The following C6orf89 variants were observed in gnomAD, a reference collection of about 807,000 sequenced individuals.
C6orf89 encodes the protein chromosome 6 open reading frame 89, also known as bombesin receptor-activated protein C6orf89.
C6orf89 carries 29 observed loss-of-function variants against 40.7 expected under a neutral mutation model. That is an observed-to-expected ratio of 0.71 (90% CI 0.53 to 0.97). C6orf89 has a LOEUF of 0.97. C6orf89 is among the 50% of genes least tolerant of loss of function. The probability of loss-of-function intolerance (pLI) is 0.00; values close to 1 mark genes in which losing one functional copy is unlikely to be tolerated. For synonymous variants in C6orf89, 165 were observed against 152.2 expected (o/e 1.08, Z -0.62); for missense variants, 392 against 429.1 (o/e 0.91, Z 0.76).
chr6:36,871,848 C>T, upstream of C6orf89: 2 of 1,601,466 alleles, frequency 1.2e-6, no homozygotes, highest in East Asian at 2.3e-5. Context: ...GCTTCCAGTA[C>T]AGCTCCAGCA....
chr6:36,913,229 T>G (rs192768009), intron 4 of C6orf89, among the ~76,000 whole-genome samples: 2 of 152,238 alleles, frequency 1.3e-5, no homozygotes, highest in Non-Finnish European at 2.9e-5. Context: ...GACAGGCATG[T>G]CAGGGAGCCG....
At chr6:36,883,476 G>A (rs1197576304), upstream of C6orf89, 5 of 151,990 alleles carry the variant, frequency 3.3e-5, no homozygotes, top group African/African-American at 4.8e-5. Flanking sequence ...TTTTTTCCTT[G>A]TTTATGCCTC....
At chr6:36,921,712 C>T (rs1038497940) in intron 8 of C6orf89, among the ~76,000 whole-genome samples, 8 of 152,006 alleles carry the variant, frequency 5.3e-5, no homozygotes, top group Non-Finnish European at 7.3e-5. Flanking sequence ...ACCCTCTCAA[C>T]GAATTTTTAA....
chr6:36,913,326 T>C (rs1583191771), intron 4 of C6orf89, among the ~76,000 whole-genome samples: 1 of 152,134 alleles, frequency 6.6e-6, no homozygotes, highest in South Asian at 2.1e-4. Context: ...CCCCACCCCC[T>C]CCTGAGCTGG....
chr6:36,921,981 C>G (rs1762526180), intron 8 of C6orf89, among the ~76,000 whole-genome samples: 1 of 152,120 alleles, frequency 6.6e-6, no homozygotes, highest in South Asian at 2.1e-4. Flanking sequence ...TGAGCTATGA[C>G]TGCACCGCTG....
chr6:36,902,910 T>C (rs1761777587), intron 4 of C6orf89, among the ~76,000 whole-genome samples: 1 of 152,242 alleles, frequency 6.6e-6, no homozygotes, highest in African/African-American at 2.4e-5. Context: ...AGTTTAGTCC[T>C]TCTGTCTGTC....
At chr6:36,901,535 C>T (rs1449887981) in intron 3 of C6orf89, among the ~76,000 whole-genome samples, 10 of 143,260 alleles carry the variant, frequency 7.0e-5, no homozygotes, top group East Asian at 2.2e-4. Context: ...AGGGTTTCGC[C>T]GTGTTGGCCA....
At chr6:36,923,297 T>G (rs1208434081) in intron 8 of C6orf89, 50 bp from the exon 9 acceptor site, 2 of 1,457,908 alleles carry the variant, frequency 1.4e-6, no homozygotes, top group South Asian at 2.3e-5. Flanking sequence ...CCCACAGGTG[T>G]GCCCACCCTC....
At chr6:36,873,764 A>C (rs1774570977) in intron 1 of C6orf89, among the ~76,000 whole-genome samples, 1 of 152,236 alleles carries the variant, frequency 6.6e-6, no homozygotes. Flanking sequence ...TTTAGCTGAA[A>C]GCAGCAATGG....
chr6:36,875,931 G>GA (rs1171935590), intron 1 of C6orf89, among the ~76,000 whole-genome samples: 1 of 152,272 alleles, frequency 6.6e-6, no homozygotes, highest in Admixed American at 6.5e-5. Flanking sequence ...AGCTCCTTGA[G>GA]AGAGGAGCTG....
In C6orf89 at chr6:36,909,995, A is replaced by G. The variant is rs1267664673; in HGVS notation, c.404-4289A>G. ...TAGGGTAGATACTGTTTTTATATCC[A>G]TTTCAAAGATGAGGAAACTGATGTG... On this transcript the variant is annotated intron_variant, in intron 4 of 8. Coordinates refer to ENST00000480824, the MANE Select transcript of C6orf89 (RefSeq NM_001286635.2). Among the ~76,000 whole-genome samples the G allele has an allele frequency of 2.6e-5, 4 of 152,120 alleles. No individual in the cohort carries two copies. The East Asian group carries it at 7.7e-4, about 29-fold the overall frequency.
chr6:36,905,172 T>C (rs1241230221), intron 4 of C6orf89, among the ~76,000 whole-genome samples: 1 of 152,176 alleles, frequency 6.6e-6, no homozygotes, highest in East Asian at 1.9e-4. Context: ...AACATCCCTA[T>C]AGGGTAGCTT....
In C6orf89 at chr6:36,919,682, A is replaced by T. The variant is rs1379252270; in HGVS notation, c.930A>T (p.Pro310=). 1 of 1,613,820 alleles carries T rather than the reference A, an allele frequency of 6.2e-7. No individual in the cohort carries two copies. The highest frequency in any genetic ancestry group is 8.5e-7 in the Non-Finnish European group (1 of 1,179,872). Residue 310 remains proline, a synonymous_variant, in exon 8 of 9, where the codon CCA becomes CCT. Transcript: ENST00000480824. The part of the protein sequence containing the change: ...CRRHCQSVAM[P]IEPGDIGYVD... The stretch of plus-strand genomic sequence containing the variant: ...GACATTGTCAGTCTGTGGCCATGCC[A>T]ATAGAGCCAGGGGATATCGGTATGT...
chr6:36,897,148 A>AT (rs1761464406), intron 2 of C6orf89, among the ~76,000 whole-genome samples: 1 of 150,912 alleles, frequency 6.6e-6, no homozygotes, highest in African/African-American at 2.4e-5. Flanking sequence ...AAAAAAAAAA[A>AT]AAAGAAAAGA....
Position 36,924,343 on chromosome 6 carries a change from G to A in C6orf89, c.*902G>A, listed in dbSNP as rs1243108700. 6.6e-6 allele frequency: 1 copy of A among 152,160 alleles called. No individual in the cohort carries two copies. The highest frequency in any genetic ancestry group is 1.5e-5 in the Non-Finnish European group (1 of 68,056). The allele number at this position is 152,160 out of a possible 1,614,324, so 9.4% of individuals were successfully genotyped here. A position where few individuals can be genotyped will look rare whatever the true frequency, so the allele number is the denominator to read the frequency against. On this transcript the variant is annotated 3_prime_UTR_variant, in exon 9 of 9. Coordinates refer to ENST00000480824, the MANE Select transcript of C6orf89 (RefSeq NM_001286635.2). ...GTGCCTCCCTGGGTTTGATCTTTAG[G>A]GTCTGACTTTCTGCAGAGAAGATGT...
rs924376312 is a variant in C6orf89 at position 36,925,583 on chromosome 6, C to G, written c.*2142C>G. 2.0e-5 allele frequency: 3 copies of G among 152,132 alleles called. No homozygotes were observed. The highest frequency in any genetic ancestry group is 7.2e-5 in the African/African-American group (3 of 41,426). 9.4% of individuals were successfully genotyped at this position (152,132 alleles called of 1,614,324 possible). A position where few individuals can be genotyped will look rare whatever the true frequency, so the allele number is the denominator to read the frequency against. On this transcript the variant is annotated 3_prime_UTR_variant, in exon 9 of 9. Coordinates refer to ENST00000480824, the MANE Select transcript of C6orf89 (RefSeq NM_001286635.2). The stretch of plus-strand genomic sequence containing the variant: ...ACTACTCATTTTACTTAAAATCTAC[C>G]CAGTTCAGACTTGAATGTAAACTTG...
chr6:36,882,720 TTTTTTTCTTTTTTC>T (rs1276040619), upstream of C6orf89, among the ~76,000 whole-genome samples: 21 of 115,652 alleles, frequency 1.8e-4, 2 homozygotes, highest in Non-Finnish European at 2.8e-4. Flanking sequence ...TTTCTTTTTT[TTTTTTTCTTTTTTC>T]TTTTTTTTTT....
intron 1 of C6orf89, among the ~76,000 whole-genome samples, chr6:36,889,181 G>A (rs11967728): frequency 0.023 from 3,507 of 152,248 alleles, 117 homozygotes; most frequent in African/African-American, 0.07. Flanking sequence ...ACTTGAGGGA[G>A]ATAGATAATG....
intron 1 of C6orf89, among the ~76,000 whole-genome samples, chr6:36,873,625 CAGG>C (rs975916277): frequency 3.9e-5 from 6 of 152,266 alleles, no homozygotes; most frequent in East Asian, 1.9e-4. Context: ...AAAATACCAA[CAGG>C]AGAATTCAGA....
Sources: allele counts gnomAD v4.1 joint callset (sites outside exome capture counted in the v4.1 genomes callset), GRCh38; gene constraint gnomAD v4.1.1; transcripts MANE v1.5; gene names NCBI Gene and HGNC (gene_info 2026-07-23, HGNC 2026-07-21).